Variants in SIPA1L1 observed in about 807,000 individuals in gnomAD.
The protein encoded by SIPA1L1 is signal-induced proliferation-associated 1-like protein 1.
SIPA1L1 carries 26 observed loss-of-function variants against 162.7 expected under a neutral mutation model. The ratio of observed to expected loss-of-function variants is 0.16; its 90% CI spans 0.12 to 0.22. The LOEUF (loss-of-function observed/expected upper bound fraction) is 0.22. Among genes scored for constraint, SIPA1L1 ranks in the 10% least tolerant of loss-of-function variants. The probability of loss-of-function intolerance (pLI) is 1.00; values close to 1 mark genes in which losing one functional copy is unlikely to be tolerated. For missense variants in SIPA1L1, 1,874 were observed against 2,241.0 expected (o/e 0.84, Z 3.31); for synonymous variants, 829 against 837.4 (o/e 0.99, Z 0.17).
chr14:71,730,523 A>G (rs2084671185), intron 20 of SIPA1L1, among the ~76,000 whole-genome samples: 1 of 152,184 alleles, frequency 6.6e-6, no homozygotes, highest in Non-Finnish European at 1.5e-5. Context: ...CACTGGACCC[A>G]AGACCTCCTG....
At chr14:71,581,690 A>G (rs1035481933) in intron 4 of SIPA1L1, among the ~76,000 whole-genome samples, 18 of 152,034 alleles carry the variant, frequency 1.2e-4, no homozygotes, top group African/African-American at 4.4e-4. Flanking sequence ...TGATAAAAAC[A>G]CTCATTTACT....
chr14:71,581,334 T>C (rs1288936006), intron 4 of SIPA1L1, among the ~76,000 whole-genome samples: 1 of 152,182 alleles, frequency 6.6e-6, no homozygotes, highest in African/African-American at 2.4e-5. Flanking sequence ...GCTGCAGATT[T>C]CTTGGAGGCT....
chr14:71,727,529 C>T (rs905477561), intron 19 of SIPA1L1, among the ~76,000 whole-genome samples: 1 of 151,824 alleles, frequency 6.6e-6, no homozygotes, highest in Non-Finnish European at 1.5e-5. Flanking sequence ...ATGGTCTGGA[C>T]TCCTGGGTCC....
chr14:71,621,794 T>C (rs1443989667), intron 6 of SIPA1L1, among the ~76,000 whole-genome samples: 5 of 152,110 alleles, frequency 3.3e-5, no homozygotes, highest in Admixed American at 3.3e-4. Context: ...TCCTTGCCTG[T>C]CTCCTTCCAT....
chr14:71,457,374 A>C (rs1377877824), intron 2 of SIPA1L1, among the ~76,000 whole-genome samples: 3 of 149,986 alleles, frequency 2.0e-5, no homozygotes, highest in African/African-American at 4.9e-5. Flanking sequence ...ATATCGGCTC[A>C]CTGCAACCTC....
At chr14:71,643,049 C>T in intron 7 of SIPA1L1, among the ~76,000 whole-genome samples, 1 of 151,634 alleles carries the variant, frequency 6.6e-6, no homozygotes, top group East Asian at 1.9e-4. Flanking sequence ...TTGGAGACCC[C>T]AGAGGAGTTA....
intron 2 of SIPA1L1, among the ~76,000 whole-genome samples, chr14:71,343,708 G>GA (rs1283741402): frequency 2.0e-5 from 3 of 151,762 alleles, no homozygotes; most frequent in Admixed American, 6.6e-5. Context: ...TGAGGGAAAG[G>GA]AAAAAAAGGC....
intron 2 of SIPA1L1, among the ~76,000 whole-genome samples, chr14:71,392,591 G>A (rs554801779): frequency 1.3e-5 from 2 of 152,052 alleles, no homozygotes; most frequent in South Asian, 2.1e-4. Flanking sequence ...GCAGTGGTGC[G>A]ATCTCGGCTC....
intron 6 of SIPA1L1, among the ~76,000 whole-genome samples, chr14:71,621,734 C>A (rs561409182): frequency 2.6e-5 from 4 of 152,286 alleles, no homozygotes; most frequent in African/African-American, 4.8e-5. Flanking sequence ...TTCAGTACAA[C>A]GTGCCCGATT....
chr14:71,610,696 T>C (rs1048447149), intron 5 of SIPA1L1, among the ~76,000 whole-genome samples: 4 of 152,232 alleles, frequency 2.6e-5, no homozygotes, highest in African/African-American at 9.6e-5. Context: ...TTGTTTTAAA[T>C]AGGGTTTTCT....
chr14:71,412,637 G>T (rs1445368020), intron 2 of SIPA1L1, among the ~76,000 whole-genome samples: 1 of 152,158 alleles, frequency 6.6e-6, no homozygotes, highest in Non-Finnish European at 1.5e-5. Flanking sequence ...GATAGGCTGG[G>T]AAGAGGAACT....
intron 2 of SIPA1L1, among the ~76,000 whole-genome samples, chr14:71,419,623 G>T: frequency 1.3e-5 from 2 of 150,162 alleles, no homozygotes; most frequent in African/African-American, 4.9e-5. Context: ...TCAGCCTCCC[G>T]AGTAGCTGGG....
chr14:71,559,984 A>G (rs565424005), intron 4 of SIPA1L1, among the ~76,000 whole-genome samples: 113 of 152,262 alleles, frequency 7.4e-4, no homozygotes, highest in Admixed American at 1.2e-3. Context: ...AGATATTTGT[A>G]TATTTTTTAG....
rs140774411 is a variant in SIPA1L1, at chr14:71,733,987, T to C, written c.5008+175T>C. ...TAAGCTGGACACCTAGGCACATGTT[T>C]TATGTAATCAGATGCCACCTGGTGT... On this transcript the variant is annotated intron_variant, in intron 21 of 23. Coordinates refer to ENST00000381232, the MANE Select transcript of SIPA1L1 (RefSeq NM_001386936.1). Among the ~76,000 whole-genome samples the C allele has an allele frequency of 6.6e-3, 1,013 of 152,336 alleles. 4 individuals carry two copies. Among genetic ancestry groups the C allele is most frequent in the Non-Finnish European group, 0.01 (706 of 68,026 alleles).
chr14:71,477,644 C>T (rs1401535658), intron 2 of SIPA1L1, among the ~76,000 whole-genome samples: 2 of 152,152 alleles, frequency 1.3e-5, no homozygotes, highest in African/African-American at 2.4e-5. Context: ...GAATATAATG[C>T]CTTGGAGGTT....
intron 2 of SIPA1L1, among the ~76,000 whole-genome samples, chr14:71,480,495 C>G (rs1462751113): frequency 1.3e-5 from 2 of 150,238 alleles, no homozygotes; most frequent in African/African-American, 2.4e-5. Flanking sequence ...TGCACAGTGG[C>G]TCACGCCTGT....
At chr14:71,416,751 A>ACACACG (rs1491291727) in intron 2 of SIPA1L1, among the ~76,000 whole-genome samples, 1 of 150,320 alleles carries the variant, frequency 6.7e-6, no homozygotes, top group African/African-American at 2.5e-5. Flanking sequence ...ACACACACAC[A>ACACACG]CGCATGCACA....
At chr14:71,544,163 G>A (rs144513160) in intron 4 of SIPA1L1, among the ~76,000 whole-genome samples, 42 of 146,306 alleles carry the variant, frequency 2.9e-4, no homozygotes, top group Admixed American at 1.2e-3. Flanking sequence ...GTGTGTATAT[G>A]TACATATATG....
At chr14:71,352,100 T>C (rs1594951716) in intron 2 of SIPA1L1, among the ~76,000 whole-genome samples, 1 of 151,758 alleles carries the variant, frequency 6.6e-6, no homozygotes, top group Non-Finnish European at 1.5e-5. Context: ...ATTGAAAAGG[T>C]GATTTTTTTA....
Sources: allele counts gnomAD v4.1 joint callset (sites outside exome capture counted in the v4.1 genomes callset), GRCh38; gene constraint gnomAD v4.1.1; transcripts MANE v1.5; gene names NCBI Gene and HGNC (gene_info 2026-07-23, HGNC 2026-07-21).